RILPL1: variants seen among roughly 807,000 people sequenced by gnomAD.
RILPL1 encodes the protein Rab interacting lysosomal protein like 1.
Under a neutral mutation model 50.3 loss-of-function variants are expected in RILPL1, and 33 were observed. That is an observed-to-expected ratio of 0.66 (90% CI 0.50 to 0.88). RILPL1 has a LOEUF of 0.88. Ranked by LOEUF, RILPL1 falls within the 40% of genes least tolerant of loss-of-function variation. The probability of loss-of-function intolerance (pLI) is 0.00; values close to 1 mark genes in which losing one functional copy is unlikely to be tolerated. For synonymous variants in RILPL1, 205 were observed against 228.6 expected (o/e 0.90, Z 0.93); for missense variants, 418 against 542.5 (o/e 0.77, Z 2.28).
At chr12:123,486,006 A>T (rs544152117) in intron 4 of RILPL1, among the ~76,000 whole-genome samples, 1 of 152,186 alleles carries the variant, frequency 6.6e-6, no homozygotes, top group East Asian at 1.9e-4. Context: ...CCACCTGTTC[A>T]TTGTTCGCCT....
intron 1 of RILPL1, among the ~76,000 whole-genome samples, chr12:123,531,116 A>G (rs1885429408): frequency 2.0e-5 from 1 of 51,142 alleles, no homozygotes; most frequent in Admixed American, 2.0e-4. Flanking sequence ...ACTCTGCAGG[A>G]AAAAAAAAAA....
At chr12:123,496,008 TTTTTTTC>T (rs1210037719) in intron 4 of RILPL1, among the ~76,000 whole-genome samples, 1 of 150,552 alleles carries the variant, frequency 6.6e-6, no homozygotes, top group East Asian at 2.0e-4. Flanking sequence ...ACCACTCCTT[TTTTTTTC>T]TTTTTTCTTT....
intron 1 of RILPL1, among the ~76,000 whole-genome samples, chr12:123,525,155 A>T (rs1375546402): frequency 6.6e-6 from 1 of 151,854 alleles, no homozygotes; most frequent in South Asian, 2.1e-4. Context: ...ATAATAAATA[A>T]AATAAAATTG....
intron 2 of RILPL1, among the ~76,000 whole-genome samples, chr12:123,510,127 A>T (rs892788137): frequency 1.3e-5 from 2 of 152,212 alleles, no homozygotes; most frequent in Admixed American, 1.3e-4. Flanking sequence ...CCGGCAACCA[A>T]GCCGGGCCCC....
chr12:123,482,535 A>G lies in RILPL1; in HGVS notation c.1067+1645T>C, dbSNP rs185000420. ...AGTGATCCTTCTGCCTTGGCCTTTCAGAGTGCTGGGATTACAGATGTGAGC... is the reference window on the plus strand; with the variant it reads ...AGTGATCCTTCTGCCTTGGCCTTTCGGAGTGCTGGGATTACAGATGTGAGC... On this transcript the variant is annotated intron_variant, in intron 6 of 6. Transcript: ENST00000376874. 2.0e-3 allele frequency among the ~76,000 whole-genome samples: 310 copies of G among 152,048 alleles called. 2 individuals carry two copies. The highest frequency in any genetic ancestry group is 9.5e-3 in the Admixed American group (145 of 15,276).
In RILPL1 at chr12:123,498,613, T is replaced by A; in HGVS notation, c.732A>T (p.Arg244=). The A allele has an allele frequency of 6.2e-7, 1 of 1,613,766 alleles. No individual in the cohort carries two copies. The highest frequency in any genetic ancestry group is 2.2e-5 in the East Asian group (1 of 44,880). ...TCTCTCGCAACTTCCCCAGCTCTGC[T>A]CGCAGGCTGCCCATCTCCTGCTCCT... ...QTKEQEMGSL[R]AELGKLRERL... is the part of the protein sequence containing the mutation. Residue 244 remains arginine (R), a synonymous_variant, in exon 4 of 7, where the codon CGA becomes CGT. Coordinates refer to ENST00000376874, the MANE Select transcript of RILPL1 (RefSeq NM_178314.5). This position sits in a 1 kb window ranked among gnomAD's most constrained non-coding sequence, Gnocchi z 4.3.
At chr12:123,493,745 C>T (rs28493578) in intron 4 of RILPL1, among the ~76,000 whole-genome samples, 19,337 of 151,718 alleles carry the variant, frequency 0.13, 1,471 homozygotes, top group Non-Finnish European at 0.17. Flanking sequence ...ACACAGGACC[C>T]GGCCCGATGC....
chr12:123,489,567 G>A lies in RILPL1; in HGVS notation c.802-3762C>T, dbSNP rs1882554571. 6.6e-6 allele frequency among the ~76,000 whole-genome samples: 1 copy of A among 152,086 alleles called. No homozygotes were observed. Among genetic ancestry groups the A allele is most frequent in the Non-Finnish European group, 1.5e-5 (1 of 68,028 alleles). On this transcript the variant is annotated intron_variant, in intron 4 of 6. Coordinates refer to ENST00000376874, the MANE Select transcript of RILPL1 (RefSeq NM_178314.5). This position sits in a 1 kb window ranked among gnomAD's most constrained non-coding sequence, Gnocchi z 4.0. The stretch of plus-strand genomic sequence containing the variant: ...TAATCCCAGCTGCTCGGGAGGCTGA[G>A]GCAGGAGAATTGCTTGAACCCAGGA...
intron 2 of RILPL1, among the ~76,000 whole-genome samples, chr12:123,509,198 T>G (rs969396267): frequency 1.3e-5 from 2 of 151,976 alleles, no homozygotes; most frequent in African/African-American, 4.8e-5. Context: ...AAGCTAAATG[T>G]CCATCAACGG....
rs766684430 is a variant in RILPL1 at position 123,533,473 on chromosome 12, C to T, written c.10G>A (p.Glu4Lys). MEE[E>K]RGSALAAESA... is the part of the protein sequence containing the mutation. ...TCGGCCGCCAGCGCCGACCCCCGCT[C>T]CTCCTCCATGGCCACCCTCCTGGCC... Residue 4 changes from glutamate to lysine, a missense_variant, in exon 1 of 7, where the codon GAG (glutamate) becomes AAG (lysine). By Grantham distance (56) the Glu-to-Lys change is moderately conservative. Transcript: ENST00000376874. This position sits in a 1 kb window ranked among gnomAD's most constrained non-coding sequence, Gnocchi z 6.2. 2.1e-5 allele frequency: 32 copies of T among 1,525,992 alleles called. No homozygotes were observed. In the South Asian group the frequency reaches 3.7e-4, roughly 18 times the overall value. 94.5% of individuals were successfully genotyped at this position (1,525,992 alleles called of 1,614,324 possible).
intron 2 of RILPL1, among the ~76,000 whole-genome samples, chr12:123,507,916 G>A (rs1883850927): frequency 1.4e-5 from 2 of 145,422 alleles, no homozygotes; most frequent in South Asian, 4.4e-4. Flanking sequence ...ACTCCAGCCT[G>A]GGCAAAGAGA....
In RILPL1 at chr12:123,533,226, C is replaced by A. The variant is rs1267031364; in HGVS notation, c.257G>T (p.Arg86Leu). The part of the protein sequence containing the change: ...ELDELRLELD[R>L]LRLERMDRIE... Reference sequence around the variant, plus strand: ...GCGGTCCATCCTCTCCAGGCGCAGGCGGTCCAGCTCCAGGCGCAGCTCGTC... The same window carrying A: ...GCGGTCCATCCTCTCCAGGCGCAGGAGGTCCAGCTCCAGGCGCAGCTCGTC... The change falls in exon 1 of 7, where the codon CGC becomes CTC. Residue 86 changes from arginine (R) to leucine (L), a missense_variant. Transcript: ENST00000376874. The surrounding 1 kb of genome is among the most constrained non-coding windows in gnomAD (Gnocchi z 6.2). 1.3e-6 allele frequency: 2 copies of A among 1,592,054 alleles called. No individual in the cohort carries two copies. Among genetic ancestry groups the A allele is most frequent in the Admixed American group, 1.7e-5 (1 of 58,840 alleles).
intron 1 of RILPL1, among the ~76,000 whole-genome samples, chr12:123,529,107 C>T (rs1018957095): frequency 1.3e-5 from 2 of 152,162 alleles, no homozygotes; most frequent in Non-Finnish European, 2.9e-5. Flanking sequence ...GCACTAGCCA[C>T]GTCTTCTGCC....
chr12:123,516,021 G>A (rs1265675105), intron 2 of RILPL1, among the ~76,000 whole-genome samples: 10 of 90,566 alleles, frequency 1.1e-4, no homozygotes, highest in South Asian at 3.7e-4. Context: ...GCCACAGAGC[G>A]AGACTCTGTC....
At chr12:123,523,423 C>T (rs1414265870) in intron 2 of RILPL1, 72 bp downstream of exon 2, 15 of 1,577,658 alleles carry the variant, frequency 9.5e-6, no homozygotes, top group Admixed American at 3.4e-5. Flanking sequence ...GGGGTGGTGG[C>T]GACAATCGCT....
chr12:123,516,294 C>A (rs1258799254), intron 2 of RILPL1, among the ~76,000 whole-genome samples: 2 of 152,244 alleles, frequency 1.3e-5, no homozygotes, highest in African/African-American at 2.4e-5. Flanking sequence ...GCCTTTGCTA[C>A]CTCAGGCATC....
chr12:123,517,424 G>GTTTTTT, intron 2 of RILPL1, among the ~76,000 whole-genome samples: 1 of 131,960 alleles, frequency 7.6e-6, no homozygotes, highest in Non-Finnish European at 1.6e-5. Context: ...TGTTGTTATT[G>GTTTTTT]TTTTTTTTTT....
chr12:123,482,964 T>C (rs1882096540), intron 6 of RILPL1, among the ~76,000 whole-genome samples: 1 of 152,176 alleles, frequency 6.6e-6, no homozygotes, highest in Admixed American at 6.5e-5. Context: ...CGGCTCTGCA[T>C]TGTCTACTCA....
In RILPL1 at chr12:123,498,402, G is replaced by A; in HGVS notation, c.801+142C>T. 1 of 687,692 alleles carries A rather than the reference G, an allele frequency of 1.5e-6. No individual in the cohort carries two copies. Among genetic ancestry groups the A allele is most frequent in the Non-Finnish European group, 2.5e-6 (1 of 406,410 alleles). The allele number at this position is 687,692 out of a possible 1,614,324, so 42.6% of individuals were successfully genotyped here. On this transcript the variant is annotated intron_variant, in intron 4 of 6. Transcript: ENST00000376874. The surrounding 1 kb of genome is among the most constrained non-coding windows in gnomAD (Gnocchi z 4.3). ...GCGTGGCTAATTAAAAAAAATGTTT[G>A]TAGAGAATTGGGGTCTTGCTATGTT...
Sources: allele counts gnomAD v4.1 joint callset (sites outside exome capture counted in the v4.1 genomes callset), GRCh38; gene constraint gnomAD v4.1.1; non-coding constraint Gnocchi (gnomAD v3.1); transcripts MANE v1.5; gene names NCBI Gene and HGNC (gene_info 2026-07-23, HGNC 2026-07-21).